The following DSCAM variants were observed in gnomAD, a reference collection of about 807,000 sequenced individuals.
The protein encoded by DSCAM is DS cell adhesion molecule, also known as cell adhesion molecule DSCAM.
Under a neutral mutation model 217.7 loss-of-function variants are expected in DSCAM, and 47 were observed. The observed-to-expected ratio is 0.22, with a 90% CI of 0.17 to 0.28. DSCAM has a LOEUF of 0.28. DSCAM is among the 10% of genes least tolerant of loss of function. The probability of loss-of-function intolerance (pLI) is 1.00; values close to 1 mark genes in which losing one functional copy is unlikely to be tolerated. For synonymous variants in DSCAM, 1,056 were observed against 1,015.3 expected (o/e 1.04, Z -0.76); for missense variants, 2,080 against 2,618.3 (o/e 0.79, Z 4.49).
intron 1 of DSCAM, among the ~76,000 whole-genome samples, chr21:40,749,307 A>G (rs1039925649): frequency 6.6e-6 from 1 of 152,184 alleles, no homozygotes; most frequent in African/African-American, 2.4e-5. Context: ...AAAAAAAACT[A>G]TTTGTGCACT....
At chr21:40,566,768 A>G (rs1464538202) in intron 3 of DSCAM, among the ~76,000 whole-genome samples, 1 of 152,148 alleles carries the variant, frequency 6.6e-6, no homozygotes, top group Non-Finnish European at 1.5e-5. Context: ...TGCTATTGCC[A>G]GGTTCCTCCA....
At chr21:40,181,798 C>G (rs1028993112) in intron 14 of DSCAM, among the ~76,000 whole-genome samples, 3 of 151,840 alleles carry the variant, frequency 2.0e-5, no homozygotes, top group African/African-American at 7.3e-5. Context: ...AATGACTGTA[C>G]CATCTGTGGG....
intron 26 of DSCAM, 96 bp from the exon 27 acceptor site, chr21:40,075,309 C>T: frequency 7.4e-7 from 1 of 1,352,140 alleles, no homozygotes; most frequent in Non-Finnish European, 1.0e-6. Flanking sequence ...CTGTGTGATC[C>T]AAGGGTGTTG....
At chr21:40,757,205 T>G (rs928264692) in intron 1 of DSCAM, among the ~76,000 whole-genome samples, 1 of 151,878 alleles carries the variant, frequency 6.6e-6, no homozygotes, top group Non-Finnish European at 1.5e-5. Context: ...TTTTGTATTT[T>G]TAGTAGAGAC....
At chr21:40,042,240 G>A (rs2088764036) in intron 32 of DSCAM, 131 bp downstream of exon 32, 6 of 936,308 alleles carry the variant, frequency 6.4e-6, no homozygotes. Context: ...GGGATGGTTT[G>A]TTATGCAGCC....
chr21:40,130,868 G>A (rs1270779895), intron 19 of DSCAM, among the ~76,000 whole-genome samples: 3 of 152,174 alleles, frequency 2.0e-5, no homozygotes, highest in Non-Finnish European at 4.4e-5. Flanking sequence ...TATGACCAGT[G>A]ACCTAATAAC....
At chr21:40,268,352 A>C (rs2073568376) in intron 11 of DSCAM, among the ~76,000 whole-genome samples, 1 of 152,132 alleles carries the variant, frequency 6.6e-6, no homozygotes, top group Non-Finnish European at 1.5e-5. Context: ...GGAGATTCCA[A>C]GGGAACTAAG....
intron 5 of DSCAM, among the ~76,000 whole-genome samples, chr21:40,349,136 C>CAAAAGAAAAAAA (rs2074600384): frequency 2.6e-5 from 1 of 38,720 alleles, no homozygotes; most frequent in African/African-American, 9.7e-5. Flanking sequence ...GACTCCATCT[C>CAAAAGAAAAAAA]AAAAAAAAAA....
chr21:40,464,253 C>T (rs982971742), intron 3 of DSCAM, among the ~76,000 whole-genome samples: 3 of 152,186 alleles, frequency 2.0e-5, no homozygotes, highest in Admixed American at 6.5e-5. Context: ...ATCAGTAAAT[C>T]GCTGCCCACA....
In DSCAM at chr21:40,510,233, C is replaced by T. The variant is rs79601533; in HGVS notation, c.509-140988G>A. Among the ~76,000 whole-genome samples, 1,483 of 151,916 alleles carry T rather than the reference C, an allele frequency of 9.8e-3. 23 individuals carry two copies. Among genetic ancestry groups the T allele is most frequent in the African/African-American group, 0.034 (1,397 of 41,388 alleles). Reference sequence around the variant, plus strand: ...TAGCCAGGTCCAATATAGAAATAAACACTATATAGGCTAGGCTTCTAAAAA... The same window carrying T: ...TAGCCAGGTCCAATATAGAAATAAATACTATATAGGCTAGGCTTCTAAAAA... On this transcript the variant is annotated intron_variant, in intron 3 of 32. Transcript: ENST00000400454.
intron 1 of DSCAM, among the ~76,000 whole-genome samples, chr21:40,840,671 C>CA (rs1310552246): frequency 3.9e-5 from 6 of 152,140 alleles, no homozygotes; most frequent in Admixed American, 2.6e-4. Flanking sequence ...CCCCAAGCCA[C>CA]AGGCGTTTCT....
chr21:40,630,262 T>C (rs1321017237), intron 3 of DSCAM, among the ~76,000 whole-genome samples: 1 of 152,164 alleles, frequency 6.6e-6, no homozygotes, highest in East Asian at 1.9e-4. Context: ...AATGCATGCA[T>C]TGTTGGATAA....
intron 11 of DSCAM, among the ~76,000 whole-genome samples, chr21:40,240,116 C>T (rs1265372725): frequency 6.6e-6 from 1 of 152,160 alleles, no homozygotes; most frequent in Non-Finnish European, 1.5e-5. Context: ...TGCCCCTGGG[C>T]CCCCTGCAAT....
At chr21:40,818,593 C>T (rs1052531214) in intron 1 of DSCAM, among the ~76,000 whole-genome samples, 1 of 117,056 alleles carries the variant, frequency 8.5e-6, no homozygotes, top group South Asian at 3.5e-4. Context: ...AAGACAAAGT[C>T]ACATAAGATA....
intron 3 of DSCAM, among the ~76,000 whole-genome samples, chr21:40,524,977 TCC>T (rs58151465): frequency 0.018 from 2,452 of 133,332 alleles, 72 homozygotes; most frequent in African/African-American, 0.067. Flanking sequence ...GCCACTGCAT[TCC>T]AGCCTGGGCA....
intron 3 of DSCAM, among the ~76,000 whole-genome samples, chr21:40,425,948 G>A (rs922959381): frequency 3.4e-4 from 51 of 152,112 alleles, no homozygotes; most frequent in African/African-American, 1.2e-3. Flanking sequence ...TTTGTAGGGG[G>A]CAGAATAAAG....
chr21:40,724,566 G>A (rs2090934797), intron 1 of DSCAM, among the ~76,000 whole-genome samples: 1 of 152,186 alleles, frequency 6.6e-6, no homozygotes, highest in South Asian at 2.1e-4. Flanking sequence ...AAACAGTGAA[G>A]CAACAATAAA....
In DSCAM at chr21:40,419,796, T is replaced by A. The variant is rs117263230; in HGVS notation, c.509-50551A>T. Among the ~76,000 whole-genome samples the A allele has an allele frequency of 5.5e-3, 839 of 152,226 alleles. 2 individuals are homozygous for A. The highest frequency in any genetic ancestry group is 6.6e-3 in the Non-Finnish European group (450 of 68,006). Reference sequence around the variant, plus strand: ...AGCATCATCATCACCATGTATAAAGTCTCACATTATTGTTATTGGAACAAG... The same window carrying A: ...AGCATCATCATCACCATGTATAAAGACTCACATTATTGTTATTGGAACAAG... On this transcript the variant is annotated intron_variant, in intron 3 of 32. Transcript: ENST00000400454.
At chr21:40,355,909 T>C (rs760915117) in intron 4 of DSCAM, among the ~76,000 whole-genome samples, 23 of 152,214 alleles carry the variant, frequency 1.5e-4, no homozygotes, top group Admixed American at 4.6e-4. Context: ...TGTGCGTGGC[T>C]TACTTCACTA....
Sources: allele counts gnomAD v4.1 joint callset (sites outside exome capture counted in the v4.1 genomes callset), GRCh38; gene constraint gnomAD v4.1.1; transcripts MANE v1.5; gene names NCBI Gene and HGNC (gene_info 2026-07-23, HGNC 2026-07-21).